CCDC144A: variants seen among roughly 807,000 people sequenced by gnomAD.
The protein encoded by CCDC144A is coiled-coil domain-containing protein 144A.
A neutral mutation model predicts 143.8 loss-of-function variants in CCDC144A; 41 were observed. That is an observed-to-expected ratio of 0.29 (90% confidence interval 0.22 to 0.37). The LOEUF (loss-of-function observed/expected upper bound fraction) is 0.37. Ranked by LOEUF, CCDC144A falls within the 10% of genes least tolerant of loss-of-function variation. The pLI, the probability that CCDC144A is intolerant of heterozygous loss-of-function variation, is 1.00. For missense variants in CCDC144A, 637 were observed against 1,488.8 expected (o/e 0.43, Z 9.41); for synonymous variants, 242 against 517.9 (o/e 0.47, Z 7.23).
chr17:16,667,334 G>A, the CCDC144A span, among the ~76,000 whole-genome samples: 11 of 140,240 alleles, frequency 7.8e-5, no homozygotes, highest in African/African-American at 3.0e-4. Context: ...TGAGGAGGCT[G>A]AGGCGGCTGA....
At chr17:16,675,252 G>C in the CCDC144A span, among the ~76,000 whole-genome samples, 1 of 144,482 alleles carries the variant, frequency 6.9e-6, no homozygotes, top group African/African-American at 2.6e-5. Context: ...CTGGGCGACA[G>C]AGCAAGACTC....
intron 8 of CCDC144A, among the ~76,000 whole-genome samples, chr17:16,722,900 G>A (rs1321865050): frequency 6.6e-6 from 1 of 152,142 alleles, no homozygotes; most frequent in African/African-American, 2.4e-5. Context: ...TCACCTAAAG[G>A]AGGATATCTT....
intron 15 of CCDC144A, among the ~76,000 whole-genome samples, chr17:16,770,366 G>C (rs1478193242): frequency 6.6e-6 from 1 of 152,166 alleles, no homozygotes; most frequent in Non-Finnish European, 1.5e-5. Flanking sequence ...AGCCAGGATG[G>C]TCTTGATCTT....
intron 6 of CCDC144A, among the ~76,000 whole-genome samples, chr17:16,719,855 A>G (rs567826604): frequency 6.6e-6 from 1 of 152,204 alleles, no homozygotes; most frequent in East Asian, 1.9e-4. Context: ...AAGGACAACA[A>G]TGAGAAGACC....
intron 12 of CCDC144A, among the ~76,000 whole-genome samples, chr17:16,745,012 C>T (rs980085250): frequency 1.3e-5 from 2 of 152,044 alleles, no homozygotes; most frequent in Non-Finnish European, 2.9e-5. Context: ...ACACATCCAT[C>T]CAAAGACTGA....
intron 12 of CCDC144A, among the ~76,000 whole-genome samples, chr17:16,751,636 A>T (rs1469061242): frequency 6.6e-6 from 1 of 152,218 alleles, no homozygotes; most frequent in Non-Finnish European, 1.5e-5. Context: ...GCCAAAAGTT[A>T]GGTTGCCGAG....
At chr17:16,677,617 G>A in the CCDC144A span, among the ~76,000 whole-genome samples, 1 of 152,006 alleles carries the variant, frequency 6.6e-6, no homozygotes, top group Non-Finnish European at 1.5e-5. Context: ...TGGATCGCCT[G>A]AGATCAGGAG....
In CCDC144A at chr17:16,772,039, G is replaced by T. The variant is rs1915841483; in HGVS notation, c.4141+20G>T. ...TAGCAGGTATGTTACCAAAATTTAT[G>T]AATTAAATTTAGATTAAGTAATATA... is the stretch of plus-strand genomic sequence containing the variant. On this transcript the variant is annotated intron_variant, in intron 16 of 16. Transcript: ENST00000399273. 3 of 1,516,560 alleles carry T rather than the reference G, an allele frequency of 2.0e-6. No homozygotes were observed. The highest frequency in any genetic ancestry group is 1.4e-5 in the African/African-American group (1 of 71,676). The allele number at this position is 1,516,560 out of a possible 1,614,324, so 93.9% of individuals were successfully genotyped here.
chr17:16,684,959 C>G (rs1181993573), upstream of CCDC144A, among the ~76,000 whole-genome samples: 1 of 152,126 alleles, frequency 6.6e-6, no homozygotes, highest in African/African-American at 2.4e-5. Context: ...GAGACCCTGT[C>G]ACAAAAAAAC....
chr17:16,771,905 T>C lies in CCDC144A; in HGVS notation c.4099-72T>C. The stretch of plus-strand genomic sequence containing the variant: ...TAAAAGTATTATTTAAAGGCCGCAT[T>C]TTGTAATTAATGCTCCTTACCATGA... On this transcript the variant is annotated intron_variant, in intron 15 of 16. Transcript: ENST00000399273. 4.7e-6 allele frequency: 6 copies of C among 1,284,120 alleles called. No individual in the cohort carries two copies. In the South Asian group the frequency reaches 7.1e-5, roughly 15 times the overall value. The allele number at this position is 1,284,120 out of a possible 1,614,324, so 79.5% of individuals were successfully genotyped here.
chr17:16,770,161 TA>T (rs1272411484), intron 15 of CCDC144A, among the ~76,000 whole-genome samples: 5 of 151,754 alleles, frequency 3.3e-5, no homozygotes, highest in African/African-American at 1.2e-4. Flanking sequence ...TTATTATTAT[TA>T]TTTTTGATGC....
Position 16,731,851 on chromosome 17 carries a change from T to C in CCDC144A, c.2157T>C (p.Tyr719=). 4.9e-6 allele frequency: 1 copy of C among 204,570 alleles called. No homozygotes were observed. Among genetic ancestry groups the C allele is most frequent in the Non-Finnish European group, 8.2e-6 (1 of 121,450 alleles). The allele number at this position is 204,570 out of a possible 1,614,324, so 12.7% of individuals were successfully genotyped here. A position where few individuals can be genotyped will look rare whatever the true frequency, so the allele number is the denominator to read the frequency against. ...NEEKRNADML[Y]NKDSEQLRIK... is the part of the protein sequence containing the mutation. ...AGAAAAGAAATGCCGATATGTTGTA[T>C]AATAAAGATAGTGAACAGTTAAGAA... is the stretch of plus-strand genomic sequence containing the variant. The change falls in exon 10 of 17, where the codon TAT becomes TAC. Residue 719 remains tyrosine, a synonymous_variant. Transcript: ENST00000399273.
At chr17:16,684,207 C>A in the CCDC144A span, 5 of 943,808 alleles carry the variant, frequency 5.3e-6, no homozygotes, top group African/African-American at 8.0e-5. Context: ...GAGAGGCTGA[C>A]CCAGGGGATG....
intron 5 of CCDC144A, among the ~76,000 whole-genome samples, chr17:16,710,512 A>G (rs934712639): frequency 2.0e-5 from 3 of 152,120 alleles, no homozygotes; most frequent in Admixed American, 2.0e-4. Context: ...CATCATGACC[A>G]CTTTAAATAT....
Position 16,756,428 on chromosome 17 carries a change from T to C in CCDC144A, c.3373-4997T>C, listed in dbSNP as rs540476082. 2.6e-5 allele frequency among the ~76,000 whole-genome samples: 4 copies of C among 151,844 alleles called. No individual in the cohort carries two copies. The East Asian group carries it at 7.8e-4, about 29-fold the overall frequency. On this transcript the variant is annotated intron_variant, in intron 12 of 16. Coordinates refer to ENST00000399273, the MANE Select transcript of CCDC144A (RefSeq NM_001382000.1). ...TTCTCAGTTGTTTTTATTTTATGTATTGAATTCTCAGTTCCAGGATTTCTG... is the reference window on the plus strand; with the variant it reads ...TTCTCAGTTGTTTTTATTTTATGTACTGAATTCTCAGTTCCAGGATTTCTG...
At position 16,743,185 on chromosome 17, in the gene CCDC144A, C is replaced by G. The variant is rs1179140797; in HGVS notation, c.3372+7542C>G. 2.0e-5 allele frequency among the ~76,000 whole-genome samples: 3 copies of G among 152,096 alleles called. No homozygotes were observed. The East Asian group carries it at 5.8e-4, about 29-fold the overall frequency. ...CTTGACCAATGTCCTGAAGCATTTT[C>G]CATATATTTTCTTGTTAGTAGTTTT... On this transcript the variant is annotated intron_variant, in intron 12 of 16. Transcript: ENST00000399273.
intron 12 of CCDC144A, among the ~76,000 whole-genome samples, chr17:16,757,821 C>T (rs1398736463): frequency 1.6e-4 from 25 of 152,364 alleles, no homozygotes; most frequent in Admixed American, 4.6e-4. Flanking sequence ...CCTAGAGTAG[C>T]TTCCCTGGTG....
At position 16,715,880 on chromosome 17, in the gene CCDC144A, G is replaced by A. The variant is rs542014594; in HGVS notation, c.1715+4065G>A. ...CTCCCAGGCTTGTGGATTGGAGCGA[G>A]TTTGTGTTTAATTGGCTGTCTTTCC... is the stretch of plus-strand genomic sequence containing the variant. On this transcript the variant is annotated intron_variant, in intron 6 of 16. Transcript: ENST00000399273. 5.8e-4 allele frequency among the ~76,000 whole-genome samples: 88 copies of A among 152,210 alleles called. 1 individual carries two copies. The highest frequency in any genetic ancestry group is 1.3e-4 in the Non-Finnish European group (9 of 68,038).
chr17:16,683,505 T>C, the CCDC144A span: 1 of 1,497,992 alleles, frequency 6.7e-7, no homozygotes, highest in Non-Finnish European at 9.3e-7. Context: ...CTCTCGCGGG[T>C]TCGGGATGTT....
Sources: gnomAD v4.1 joint callset for allele counts (sites outside exome capture counted in the v4.1 genomes callset) on GRCh38, gnomAD v4.1.1 for gene constraint, MANE v1.5 for transcripts, NCBI Gene and HGNC (gene_info 2026-07-23, HGNC 2026-07-21) for gene names.